The following DCC variants were observed in gnomAD, a reference collection of about 807,000 sequenced individuals.
The protein encoded by DCC is netrin receptor DCC.
Under a neutral mutation model 172.5 loss-of-function variants are expected in DCC, and 58 were observed. The ratio of observed to expected loss-of-function variants is 0.34; its 90% CI spans 0.27 to 0.42. The LOEUF (loss-of-function observed/expected upper bound fraction) is 0.42, where lower values mean the gene tolerates loss of function less well. DCC is among the 10% of genes least tolerant of loss of function. The pLI is 1.00. For synonymous variants in DCC, 709 were observed against 644.5 expected (o/e 1.10, Z -1.52); for missense variants, 1,740 against 1,791.0 (o/e 0.97, Z 0.51).
At chr18:52,581,874 T>C (rs1004602316) in intron 1 of DCC, among the ~76,000 whole-genome samples, 1 of 152,184 alleles carries the variant, frequency 6.6e-6, no homozygotes, top group African/African-American at 2.4e-5. Context: ...AGTACTCCTA[T>C]GGCCAGAAAT....
At chr18:53,392,820 A>T (rs994881244) in intron 17 of DCC, among the ~76,000 whole-genome samples, 12 of 152,208 alleles carry the variant, frequency 7.9e-5, no homozygotes, top group African/African-American at 2.2e-4. Context: ...AGCTCTATGG[A>T]TAAACTTAAA....
At chr18:52,914,029 A>T (rs9966074) in intron 3 of DCC, among the ~76,000 whole-genome samples, 60,475 of 151,888 alleles carry the variant, frequency 0.4, 12,612 homozygotes, top group Non-Finnish European at 0.47. Context: ...GCTTTGGTTC[A>T]TTATCAAACA....
At chr18:53,256,565 G>T (rs541276409) in intron 12 of DCC, among the ~76,000 whole-genome samples, 1 of 151,988 alleles carries the variant, frequency 6.6e-6, no homozygotes, top group Non-Finnish European at 1.5e-5. Flanking sequence ...TGTTCCATTG[G>T]TCTATATCTC....
At chr18:52,663,926 T>C (rs1033878187) in intron 1 of DCC, among the ~76,000 whole-genome samples, 2 of 152,128 alleles carry the variant, frequency 1.3e-5, no homozygotes, top group African/African-American at 4.8e-5. Flanking sequence ...GAAAACTACA[T>C]TCTCACTTTC....
chr18:53,169,629 T>G (rs1380648105), intron 8 of DCC, among the ~76,000 whole-genome samples: 2 of 152,196 alleles, frequency 1.3e-5, no homozygotes, highest in African/African-American at 2.4e-5. Context: ...CTCTGAGTTC[T>G]GCATATTTGA....
chr18:53,506,512 T>C (rs1240780492), intron 27 of DCC, among the ~76,000 whole-genome samples: 1 of 151,978 alleles, frequency 6.6e-6, no homozygotes, highest in African/African-American at 2.4e-5. Context: ...TTTATGAAAA[T>C]AAACAGACAT....
At chr18:53,092,988 G>A (rs750042869) in intron 7 of DCC, among the ~76,000 whole-genome samples, 1 of 151,066 alleles carries the variant, frequency 6.6e-6, no homozygotes, top group Non-Finnish European at 1.5e-5. Context: ...AAAAAAAAGT[G>A]GGCCAGGTGT....
At position 52,893,122 on chromosome 18, in the gene DCC, C is replaced by A. The variant is rs539752973; in HGVS notation, c.413-12922C>A. On this transcript the variant is annotated intron_variant, in intron 2 of 28. Coordinates refer to ENST00000442544, the MANE Select transcript of DCC (RefSeq NM_005215.4). ...AAAGGCTTTGGGCAGACTACTCTCTCTACTGCATCTTTGTATTGAAAACTT... is the reference window on the plus strand; with the variant it reads ...AAAGGCTTTGGGCAGACTACTCTCTATACTGCATCTTTGTATTGAAAACTT... 3.3e-4 allele frequency among the ~76,000 whole-genome samples: 50 copies of A among 152,238 alleles called. No individual in the cohort carries two copies. The East Asian group carries it at 9.6e-3, about 29-fold the overall frequency.
At chr18:53,338,923 T>C (rs2057622079) in intron 14 of DCC, among the ~76,000 whole-genome samples, 2 of 152,182 alleles carry the variant, frequency 1.3e-5, no homozygotes, top group Admixed American at 6.5e-5. Flanking sequence ...ATAAATGATA[T>C]CTCAAAATCT....
chr18:52,493,488 C>A lies in DCC; in HGVS notation c.91+152610C>A, dbSNP rs138156990. Among the ~76,000 whole-genome samples, 843 of 152,054 alleles carry A rather than the reference C, an allele frequency of 5.5e-3. 10 individuals carry two copies. Among genetic ancestry groups the A allele is most frequent in the African/African-American group, 0.02 (813 of 41,510 alleles). On this transcript the variant is annotated intron_variant, in intron 1 of 28. Coordinates refer to ENST00000442544, the MANE Select transcript of DCC (RefSeq NM_005215.4). ...GTGAAAGTTCTGATATTATTATAAT[C>A]GTAATAGTTTATGTTGGCAATATTT...
At chr18:52,440,129 G>A (rs1464961318) in intron 1 of DCC, among the ~76,000 whole-genome samples, 1 of 152,158 alleles carries the variant, frequency 6.6e-6, no homozygotes, top group Non-Finnish European at 1.5e-5. Flanking sequence ...TTCCAGCCCT[G>A]CTAAGAGCAG....
chr18:53,146,776 A>G (rs544457690), intron 7 of DCC, among the ~76,000 whole-genome samples: 1 of 152,348 alleles, frequency 6.6e-6, no homozygotes, highest in African/African-American at 2.4e-5. Flanking sequence ...GCAACAAGGA[A>G]TTAAACTTAA....
intron 12 of DCC, among the ~76,000 whole-genome samples, chr18:53,242,871 GGTGTGTGTGT>G (rs3059140): frequency 1.7e-4 from 25 of 148,526 alleles, no homozygotes; most frequent in African/African-American, 2.5e-4. Flanking sequence ...ATGACAAGTA[GGTGTGTGTGT>G]GTGTGTGTGT....
At chr18:52,783,343 T>TG (rs2037589943) in intron 2 of DCC, among the ~76,000 whole-genome samples, 1 of 137,700 alleles carries the variant, frequency 7.3e-6, no homozygotes, top group African/African-American at 2.7e-5. Flanking sequence ...TTTTTTTTTT[T>TG]TTTTTTTTTT....
intron 2 of DCC, among the ~76,000 whole-genome samples, chr18:52,801,313 C>T (rs533471227): frequency 1.3e-5 from 2 of 152,228 alleles, no homozygotes; most frequent in South Asian, 4.1e-4. Context: ...TAACCATAAC[C>T]ACAACTACAA....
At chr18:52,985,596 AT>A (rs2041280372) in intron 5 of DCC, among the ~76,000 whole-genome samples, 1 of 151,936 alleles carries the variant, frequency 6.6e-6, no homozygotes, top group Non-Finnish European at 1.5e-5. Context: ...AGTGCCGTCA[AT>A]TTTTCAGTCA....
intron 1 of DCC, among the ~76,000 whole-genome samples, chr18:52,441,849 C>T (rs1568172192): frequency 6.6e-6 from 1 of 152,188 alleles, no homozygotes; most frequent in Non-Finnish European, 1.5e-5. Flanking sequence ...CCCAGCCACT[C>T]TTTTCTTCTT....
intron 5 of DCC, among the ~76,000 whole-genome samples, chr18:52,926,964 G>GATATATATATTATACACATATATATGGAT (rs34799526): frequency 7.3e-6 from 1 of 137,634 alleles, no homozygotes; most frequent in African/African-American, 2.6e-5. Context: ...ACTATATATG[G>GATATATATATTATACACATATATATGGAT]ATATATATAC....
chr18:53,406,308 T>A (rs981099188), intron 19 of DCC, among the ~76,000 whole-genome samples: 5 of 152,308 alleles, frequency 3.3e-5, no homozygotes, highest in African/African-American at 1.2e-4. Context: ...AGAAATTTCT[T>A]CCACTTGATA....
Sources: allele counts gnomAD v4.1 joint callset (sites outside exome capture counted in the v4.1 genomes callset), GRCh38; gene constraint gnomAD v4.1.1; transcripts MANE v1.5; gene names NCBI Gene and HGNC (gene_info 2026-07-23, HGNC 2026-07-21).